Variants in ZNF735 observed in about 807,000 individuals in gnomAD.
ZNF735 encodes zinc finger protein 735, also known as putative zinc finger protein 735.
ZNF735 carries 11 observed loss-of-function variants against 13.4 expected under a neutral mutation model. That is an observed-to-expected ratio of 0.82 (90% confidence interval 0.52 to 1.36). ZNF735 has a LOEUF of 1.36. ZNF735 is among the 40% of genes most tolerant of loss of function. The pLI, the probability that ZNF735 is intolerant of heterozygous loss-of-function variation, is 0.00. For missense variants in ZNF735, 500 were observed against 484.6 expected (o/e 1.03, Z -0.30); for synonymous variants, 171 against 162.6 (o/e 1.05, Z -0.39).
intron 3 of ZNF735, among the ~76,000 whole-genome samples, chr7:64,214,520 T>C (rs1043429495): frequency 2.0e-5 from 3 of 152,168 alleles, no homozygotes; most frequent in African/African-American, 7.2e-5. Flanking sequence ...TAGTAATTTC[T>C]GTTTCATTGG....
chr7:64,216,165 G>A (rs1443100619), intron 3 of ZNF735, among the ~76,000 whole-genome samples: 3 of 151,528 alleles, frequency 2.0e-5, no homozygotes, highest in Admixed American at 6.6e-5. Context: ...GTGTAGTGGC[G>A]GGCACCTATA....
intron 3 of ZNF735, among the ~76,000 whole-genome samples, chr7:64,216,140 C>G (rs1161587165): frequency 1.7e-4 from 26 of 151,538 alleles, no homozygotes; most frequent in Admixed American, 8.6e-4. Flanking sequence ...CTAAAAAATA[C>G]AAAAAATTAA....
rs992235012 is a variant in ZNF735 at position 64,219,495 on chromosome 7, T to A, written c.444T>A (p.Cys148Ter). ...GAGGTTATAATGACCTTAACCAATG[T>A]TTGTCAAATACCCAAAACAAAATAT... The change falls in exon 4 of 4, where the codon TGT becomes TGA. Residue 148 changes from cysteine to a stop codon, truncating the protein, a stop_gained. Coordinates refer to ENST00000429565, the Ensembl canonical transcript of ZNF735. LOFTEE classifies it low-confidence loss of function (END_TRUNC). The A allele has an allele frequency of 1.2e-6, 2 of 1,612,166 alleles. No individual in the cohort carries two copies. The highest frequency in any genetic ancestry group is 2.7e-5 in the African/African-American group (2 of 75,032).
chr7:64,207,941 C>G (rs1452174657), intron 1 of ZNF735, among the ~76,000 whole-genome samples: 1 of 151,592 alleles, frequency 6.6e-6, no homozygotes, highest in Non-Finnish European at 1.5e-5. Flanking sequence ...GAGCCGAGAT[C>G]GCGCCATTGT....
intron 1 of ZNF735, 59 bp from the exon 2 acceptor site, chr7:64,213,033 C>A (rs1787378173): frequency 6.6e-7 from 1 of 1,522,686 alleles, no homozygotes; most frequent in Admixed American, 2.2e-5. Context: ...AAATAAAAAT[C>A]TCTGCTTACG....
chr7:64,209,869 ATTAG>A (rs1293365403), intron 1 of ZNF735, among the ~76,000 whole-genome samples: 2 of 152,200 alleles, frequency 1.3e-5, no homozygotes, highest in Non-Finnish European at 2.9e-5. Context: ...TTAATCTCTA[ATTAG>A]TTTCAAAAAT....
At chr7:64,211,270 A>C (rs971658030) in intron 1 of ZNF735, among the ~76,000 whole-genome samples, 1 of 152,228 alleles carries the variant, frequency 6.6e-6, no homozygotes, top group Non-Finnish European at 1.5e-5. Flanking sequence ...GAACATGAGA[A>C]GGTGTAAATA....
exon 1 of ZNF735, chr7:64,207,214 A>C (rs1398754304): frequency 3.1e-6 from 5 of 1,613,878 alleles, no homozygotes. Context: ...TGGCTAAAAG[A>C]CCGGGACCCC....
At chr7:64,210,938 G>A (rs1448238385) in intron 1 of ZNF735, among the ~76,000 whole-genome samples, 6 of 152,274 alleles carry the variant, frequency 3.9e-5, no homozygotes, top group South Asian at 4.1e-4. Context: ...TTCAGAGAAA[G>A]AGGAGGAAAA....
chr7:64,219,019 T>A (rs1245681875), intron 3 of ZNF735, among the ~76,000 whole-genome samples: 4 of 152,178 alleles, frequency 2.6e-5, no homozygotes, highest in Non-Finnish European at 4.4e-5. Flanking sequence ...CATGTTCTTC[T>A]ACTGGGGATG....
Position 64,215,109 on chromosome 7 carries a change from T to C in ZNF735, c.262+1001T>C, listed in dbSNP as rs138517230. 8.4e-3 allele frequency among the ~76,000 whole-genome samples: 1,279 copies of C among 151,838 alleles called. 25 individuals are homozygous for C. The highest frequency in any genetic ancestry group is 0.027 in the African/African-American group (1,133 of 41,394). ...AGAGTTTTTCTCTTGTTGCCTAAGCTGGAGTGCAATGGGGCAATTTTGGCT... is the reference window on the plus strand; with the variant it reads ...AGAGTTTTTCTCTTGTTGCCTAAGCCGGAGTGCAATGGGGCAATTTTGGCT... On this transcript the variant is annotated intron_variant, in intron 3 of 3. Coordinates refer to ENST00000429565, the Ensembl canonical transcript of ZNF735.
chr7:64,219,820 A>T lies in ZNF735; in HGVS notation c.769A>T (p.Thr257Ser), dbSNP rs1300168785. 2.5e-6 allele frequency: 4 copies of T among 1,613,334 alleles called. No individual in the cohort carries two copies. In the South Asian group the frequency reaches 4.4e-5, roughly 18 times the overall value. The change falls in exon 4 of 4, where the codon ACT becomes TCT. Residue 257 changes from threonine to serine, a missense_variant. By Grantham distance (58) the Thr-to-Ser change is moderately conservative. Transcript: ENST00000429565. ...AGCCTTTAGGTGGCCCTCAAACCTT[A>T]CTAGACATAAGAGAATTCACACTGG...
chr7:64,208,840 A>G (rs1445711364), intron 1 of ZNF735, among the ~76,000 whole-genome samples: 1 of 152,118 alleles, frequency 6.6e-6, no homozygotes, highest in East Asian at 1.9e-4. Flanking sequence ...CTGCTCCTGC[A>G]CTAGTTTTCT....
intron 3 of ZNF735, among the ~76,000 whole-genome samples, chr7:64,214,563 T>C (rs1463652628): frequency 1.3e-5 from 2 of 152,142 alleles, no homozygotes; most frequent in Non-Finnish European, 2.9e-5. Context: ...TGCCATTCTG[T>C]TTTTATTACT....
At chr7:64,220,083 G>A (rs1406926724) in exon 4 of ZNF735, 1 of 1,613,456 alleles carries the variant, frequency 6.2e-7, no homozygotes, top group Non-Finnish European at 8.5e-7. Flanking sequence ...AGACACATAA[G>A]ATAATTCATA....
At chr7:64,207,764 G>A (rs1236228513) in intron 1 of ZNF735, among the ~76,000 whole-genome samples, 1 of 152,112 alleles carries the variant, frequency 6.6e-6, no homozygotes, top group Non-Finnish European at 1.5e-5. Flanking sequence ...CGAGGCGGGC[G>A]GATCACGAGG....
chr7:64,211,312 C>G (rs200528944), intron 1 of ZNF735, among the ~76,000 whole-genome samples: 96 of 152,146 alleles, frequency 6.3e-4, no homozygotes, highest in East Asian at 2.5e-3. Context: ...ACACAGTTGT[C>G]TTTGGATATT....
intron 3 of ZNF735, among the ~76,000 whole-genome samples, chr7:64,214,610 T>A (rs896219742): frequency 6.6e-6 from 1 of 152,094 alleles, no homozygotes; most frequent in Non-Finnish European, 1.5e-5. Flanking sequence ...TTTTACAATT[T>A]TTTTATTTTT....
intron 3 of ZNF735, among the ~76,000 whole-genome samples, chr7:64,215,277 C>T (rs528357693): frequency 1.8e-4 from 28 of 152,088 alleles, no homozygotes; most frequent in Admixed American, 4.6e-4. Flanking sequence ...AGACTGGTCT[C>T]GAATTACTGA....
Sources: allele counts gnomAD v4.1 joint callset (sites outside exome capture counted in the v4.1 genomes callset), GRCh38; gene constraint gnomAD v4.1.1; transcripts MANE v1.5; gene names NCBI Gene and HGNC (gene_info 2026-07-23, HGNC 2026-07-21).